The following CSMD2 variants were observed in gnomAD, a reference collection of about 807,000 sequenced individuals.
CSMD2 encodes CUB and Sushi multiple domains 2.
In CSMD2, 130 loss-of-function variants were observed where a neutral mutation model predicts 398.5. The ratio of observed to expected loss-of-function variants is 0.33; its 90% CI spans 0.28 to 0.38. The LOEUF (loss-of-function observed/expected upper bound fraction) is 0.38, where lower values mean the gene tolerates loss of function less well. Among genes scored for constraint, CSMD2 ranks in the 10% least tolerant of loss-of-function variants. The pLI, the probability that CSMD2 is intolerant of heterozygous loss-of-function variation, is 1.00. For synonymous variants in CSMD2, 1,828 were observed against 1,908.5 expected (o/e 0.96, Z 1.10); for missense variants, 3,829 against 4,764.9 (o/e 0.80, Z 5.78).
intron 13 of CSMD2, among the ~76,000 whole-genome samples, chr1:33,757,220 A>G (rs1009260686): frequency 6.6e-6 from 1 of 152,156 alleles, no homozygotes; most frequent in African/African-American, 2.4e-5. Flanking sequence ...TGACGAGTTA[A>G]TGGGTGCAGC....
chr1:34,048,981 T>C (rs1417549607), intron 2 of CSMD2, among the ~76,000 whole-genome samples: 1 of 152,082 alleles, frequency 6.6e-6, no homozygotes, highest in Non-Finnish European at 1.5e-5. Flanking sequence ...TCCAGAACCA[T>C]GGTCTCCAGA....
chr1:33,947,000 G>C (rs1012037987), intron 3 of CSMD2, among the ~76,000 whole-genome samples: 3 of 152,142 alleles, frequency 2.0e-5, no homozygotes, highest in Admixed American at 2.0e-4. Flanking sequence ...CTCAGGCTTT[G>C]GGAGGTTTAT....
In CSMD2 at chr1:33,884,327, G is replaced by A. The variant is rs552517232; in HGVS notation, c.920+33767C>T. 7.3e-5 allele frequency among the ~76,000 whole-genome samples: 11 copies of A among 151,600 alleles called. No individual in the cohort carries two copies. The East Asian group carries it at 2.0e-3, about 27-fold the overall frequency. On this transcript the variant is annotated intron_variant, in intron 5 of 70. Coordinates refer to ENST00000373381, the MANE Select transcript of CSMD2 (RefSeq NM_001281956.2). The stretch of plus-strand genomic sequence containing the variant: ...CATCCTTCTACCTCTGGCATCCCAG[G>A]GGCACCTCAAACTTAAGATGCCATC...
rs1054499047 is a variant in CSMD2 at position 33,687,549 on chromosome 1, G to A, written c.4052+5381C>T. On this transcript the variant is annotated intron_variant, in intron 25 of 70. Coordinates refer to ENST00000373381, the MANE Select transcript of CSMD2 (RefSeq NM_001281956.2). ...ATTAAAGCAGATCAGCTAACAACAGGAAGAGTTAACAATAAAAAAAAGCAA... is the reference window on the plus strand; with the variant it reads ...ATTAAAGCAGATCAGCTAACAACAGAAAGAGTTAACAATAAAAAAAAGCAA... Among the ~76,000 whole-genome samples, 3 of 152,106 alleles carry A rather than the reference G, an allele frequency of 2.0e-5. 1 individual carries two copies. The highest frequency in any genetic ancestry group is 4.8e-5 in the African/African-American group (2 of 41,510).
chr1:33,829,447 T>G (rs1364535521), intron 6 of CSMD2, among the ~76,000 whole-genome samples: 3 of 152,358 alleles, frequency 2.0e-5, no homozygotes, highest in East Asian at 3.9e-4. Context: ...ACGTGCAGTT[T>G]TGTTACATAT....
chr1:34,120,034 G>A (rs1391053763), intron 1 of CSMD2, among the ~76,000 whole-genome samples: 1 of 152,130 alleles, frequency 6.6e-6, no homozygotes, highest in Non-Finnish European at 1.5e-5. Flanking sequence ...GTACCTACAT[G>A]GATGAATGGA....
chr1:33,918,607 G>T (rs564886108), intron 4 of CSMD2, among the ~76,000 whole-genome samples: 2 of 152,272 alleles, frequency 1.3e-5, no homozygotes, highest in South Asian at 2.1e-4. Context: ...AACGTGCAAG[G>T]CATGTCTAAG....
chr1:34,091,678 A>C (rs944629155), intron 1 of CSMD2, among the ~76,000 whole-genome samples: 4 of 152,328 alleles, frequency 2.6e-5, no homozygotes, highest in African/African-American at 9.6e-5. Flanking sequence ...TCTTCTGAAT[A>C]AATCCTAAAC....
chr1:33,609,707 C>T (rs964629809), intron 41 of CSMD2, among the ~76,000 whole-genome samples: 5 of 151,890 alleles, frequency 3.3e-5, no homozygotes, highest in Non-Finnish European at 7.4e-5. Context: ...AACTATAGTA[C>T]GATCCAATTT....
At chr1:34,014,152 T>C in intron 3 of CSMD2, among the ~76,000 whole-genome samples, 1 of 152,244 alleles carries the variant, frequency 6.6e-6, no homozygotes, top group Non-Finnish European at 1.5e-5. Flanking sequence ...GCCTTCACCG[T>C]TGCGGCTCTC....
At chr1:33,535,169 G>A (rs1655648420) in intron 62 of CSMD2, among the ~76,000 whole-genome samples, 1 of 152,106 alleles carries the variant, frequency 6.6e-6, no homozygotes, top group African/African-American at 2.4e-5. Context: ...ATAATATATG[G>A]AACACATATA....
chr1:33,826,639 A>G (rs563587944), intron 6 of CSMD2, among the ~76,000 whole-genome samples: 1 of 152,342 alleles, frequency 6.6e-6, no homozygotes, highest in African/African-American at 2.4e-5. Context: ...AGTCCAGCCT[A>G]GTCCTCAGTT....
At chr1:33,746,165 C>T (rs1647354919) in intron 13 of CSMD2, among the ~76,000 whole-genome samples, 2 of 152,206 alleles carry the variant, frequency 1.3e-5, no homozygotes, top group South Asian at 4.1e-4. Flanking sequence ...TGAAATATTA[C>T]ATTAGCACTG....
chr1:33,908,616 CCCA>C (rs776471170), intron 5 of CSMD2, among the ~76,000 whole-genome samples: 12 of 152,252 alleles, frequency 7.9e-5, no homozygotes, highest in Non-Finnish European at 1.3e-4. Context: ...AGCCGCTGTG[CCCA>C]CTGCGACAAC....
intron 32 of CSMD2, among the ~76,000 whole-genome samples, chr1:33,629,725 T>C (rs1642349691): frequency 6.6e-6 from 1 of 151,080 alleles, no homozygotes; most frequent in South Asian, 2.1e-4. Context: ...CTGAATATAC[T>C]GATATTGATA....
chr1:34,112,300 T>C (rs1363248721), intron 1 of CSMD2, among the ~76,000 whole-genome samples: 1 of 152,112 alleles, frequency 6.6e-6, no homozygotes. Context: ...CCATGGCCAT[T>C]TCCCCAGATG....
chr1:33,980,849 T>C (rs966320876), intron 3 of CSMD2, among the ~76,000 whole-genome samples: 8 of 152,026 alleles, frequency 5.3e-5, no homozygotes, highest in Admixed American at 5.2e-4. Context: ...TCTGATAAAG[T>C]GGTATTGGAA....
chr1:33,722,739 T>A (rs578190548), intron 19 of CSMD2, among the ~76,000 whole-genome samples: 1 of 152,068 alleles, frequency 6.6e-6, no homozygotes, highest in East Asian at 1.9e-4. Context: ...TTTTTTTTTT[T>A]AACCTAAATC....
intron 1 of CSMD2, among the ~76,000 whole-genome samples, chr1:34,124,992 C>A (rs781038089): frequency 1.3e-5 from 2 of 152,140 alleles, no homozygotes; most frequent in Non-Finnish European, 2.9e-5. Context: ...GGGAGTCTTA[C>A]AATGGGAATG....
Sources: allele counts gnomAD v4.1 joint callset (sites outside exome capture counted in the v4.1 genomes callset), GRCh38; gene constraint gnomAD v4.1.1; transcripts MANE v1.5; gene names NCBI Gene and HGNC (gene_info 2026-07-23, HGNC 2026-07-21).